FNDC3B: variants seen among roughly 807,000 people sequenced by gnomAD.
FNDC3B encodes the protein fibronectin type III domain containing 3B, also known as fibronectin type III domain-containing protein 3B.
FNDC3B carries 12 observed loss-of-function variants against 151.5 expected under a neutral mutation model. The observed-to-expected ratio is 0.08, with a 90% CI of 0.05 to 0.13. The LOEUF (loss-of-function observed/expected upper bound fraction) is 0.13. FNDC3B is among the 10% of genes least tolerant of loss of function. The pLI, the probability that FNDC3B is intolerant of heterozygous loss-of-function variation, is 1.00. For missense variants in FNDC3B, 1,214 were observed against 1,505.3 expected (o/e 0.81, Z 3.20); for synonymous variants, 528 against 549.0 (o/e 0.96, Z 0.54).
chr3:172,313,541 G>A (rs984687677), intron 11 of FNDC3B, among the ~76,000 whole-genome samples: 1 of 152,214 alleles, frequency 6.6e-6, no homozygotes, highest in African/African-American at 2.4e-5. Flanking sequence ...TATGGAGTGT[G>A]CTCCTCAGTA....
intron 3 of FNDC3B, among the ~76,000 whole-genome samples, chr3:172,152,511 CCT>C (rs1722278216): frequency 6.6e-6 from 1 of 151,712 alleles, no homozygotes. Flanking sequence ...TCAACTACTC[CCT>C]GTCTTCACCT....
At chr3:172,054,876 T>C (rs928826963) in intron 1 of FNDC3B, among the ~76,000 whole-genome samples, 1 of 152,228 alleles carries the variant, frequency 6.6e-6, no homozygotes, top group Non-Finnish European at 1.5e-5. Flanking sequence ...ACCATAGCAC[T>C]CAACTACTTC....
At position 172,119,377 on chromosome 3, in the gene FNDC3B, G is replaced by T. The variant is rs1408591230; in HGVS notation, c.111+6787G>T. ...CAGTCTAGTTGAGGAGCAAAATGTG[G>T]CCTACCAAAAAAAAAAAAAAAGGCT... On this transcript the variant is annotated intron_variant, in intron 2 of 25. Transcript: ENST00000415807. Among the ~76,000 whole-genome samples the T allele has an allele frequency of 4.1e-5, 4 of 97,556 alleles. No individual in the cohort carries two copies. In the East Asian group the frequency reaches 1.3e-3, roughly 31 times the overall value. 64.0% of individuals were successfully genotyped at this position (97,556 alleles called of 152,430 possible).
chr3:172,163,862 A>T (rs1722892276), intron 3 of FNDC3B, among the ~76,000 whole-genome samples: 1 of 152,194 alleles, frequency 6.6e-6, no homozygotes, highest in African/African-American at 2.4e-5. Context: ...GAGTCTTTTT[A>T]AAAATGTTGT....
At chr3:172,041,457 T>TCTC (rs1278764104) in intron 1 of FNDC3B, among the ~76,000 whole-genome samples, 77 of 145,598 alleles carry the variant, frequency 5.3e-4, no homozygotes, top group Non-Finnish European at 9.7e-4. Context: ...TTCCTTCTCT[T>TCTC]CTCCTCCTCC....
chr3:172,072,411 G>A (rs537348805), intron 1 of FNDC3B, among the ~76,000 whole-genome samples: 1 of 151,780 alleles, frequency 6.6e-6, no homozygotes, highest in South Asian at 2.1e-4. Flanking sequence ...GGTTGTCAGT[G>A]AATGGTTGTG....
intron 17 of FNDC3B, among the ~76,000 whole-genome samples, chr3:172,342,443 A>T (rs182471256): frequency 6.6e-6 from 1 of 152,330 alleles, no homozygotes; most frequent in East Asian, 1.9e-4. Flanking sequence ...GTATAGCTCT[A>T]CCTGATTTTC....
In FNDC3B at chr3:172,295,409, CT is replaced by C; in HGVS notation, c.897del (p.Val300LeufsTer32). 1 of 1,614,146 alleles carries C rather than the reference CT, an allele frequency of 6.2e-7. No individual in the cohort carries two copies. The highest frequency in any genetic ancestry group is 8.5e-7 in the Non-Finnish European group (1 of 1,179,960). On this transcript the variant is annotated frameshift_variant, in exon 8 of 26. Coordinates refer to ENST00000415807, the MANE Select transcript of FNDC3B (RefSeq NM_022763.4). LOFTEE classifies it high-confidence loss of function. ...GCAGTTGTGTTGTCCTGGGCTCCCC[CT>C]GTTGGACTTTCCTGTGGACCCCACA... ...ARAVVLSWAPPVGLSCGPHSG... is the reference protein window; with the variant it reads ...ARAVVLSWAPXVGLSCGPHSG...
chr3:172,105,666 G>A (rs1719611011), intron 1 of FNDC3B, among the ~76,000 whole-genome samples: 2 of 149,484 alleles, frequency 1.3e-5, no homozygotes, highest in African/African-American at 2.5e-5. Flanking sequence ...TTGCCCACAC[G>A]GGCCTCGAAC....
intron 11 of FNDC3B, among the ~76,000 whole-genome samples, chr3:172,322,337 C>T (rs1012038307): frequency 1.2e-4 from 19 of 152,272 alleles, no homozygotes; most frequent in African/African-American, 4.6e-4. Flanking sequence ...TAGTGAGAAT[C>T]GAAAATCAGG....
At chr3:172,113,466 G>C (rs1260450745) in intron 2 of FNDC3B, among the ~76,000 whole-genome samples, 1 of 152,048 alleles carries the variant, frequency 6.6e-6, no homozygotes, top group Non-Finnish European at 1.5e-5. Flanking sequence ...GCATATACTT[G>C]GTTGGAGCTG....
intron 3 of FNDC3B, among the ~76,000 whole-genome samples, chr3:172,198,340 A>G (rs545405227): frequency 2.9e-4 from 44 of 152,332 alleles, no homozygotes; most frequent in African/African-American, 1.0e-3. Flanking sequence ...GAGCTGGAGA[A>G]TACTTGAATG....
intron 18 of FNDC3B, 50 bp from the exon 19 acceptor site, chr3:172,344,036 C>T (rs1733477710): frequency 6.5e-7 from 1 of 1,539,466 alleles, no homozygotes; most frequent in Admixed American, 1.9e-5. Flanking sequence ...GCACTTTGGT[C>T]AACTGGAAGC....
intron 25 of FNDC3B, among the ~76,000 whole-genome samples, chr3:172,382,550 T>A (rs1004500931): frequency 6.6e-6 from 1 of 152,264 alleles, no homozygotes; most frequent in Non-Finnish European, 1.5e-5. Flanking sequence ...CCCATGCCTA[T>A]GTTCCGAATG....
intron 2 of FNDC3B, among the ~76,000 whole-genome samples, chr3:172,116,221 G>A (rs913128427): frequency 1.3e-5 from 2 of 152,170 alleles, no homozygotes; most frequent in African/African-American, 4.8e-5. Flanking sequence ...GAAACAATGT[G>A]AACAGAAGCA....
rs537966690 is a variant in FNDC3B, at chr3:172,164,093, T to G, written c.187+30547T>G. On this transcript the variant is annotated intron_variant, in intron 3 of 25. Transcript: ENST00000415807. Reference sequence around the variant, plus strand: ...ACATTGGGCTACCTGAAAATCATATTTGGGCTAGTGAAAATTCATTGAGCT... The same window carrying G: ...ACATTGGGCTACCTGAAAATCATATGTGGGCTAGTGAAAATTCATTGAGCT... 6.6e-5 allele frequency among the ~76,000 whole-genome samples: 10 copies of G among 152,340 alleles called. No individual in the cohort carries two copies. In the South Asian group the frequency reaches 2.1e-3, roughly 32 times the overall value.
At chr3:172,250,466 A>C (rs1041506443) in intron 5 of FNDC3B, among the ~76,000 whole-genome samples, 2 of 152,222 alleles carry the variant, frequency 1.3e-5, no homozygotes, top group African/African-American at 4.8e-5. Flanking sequence ...TATGCCACAG[A>C]AAACTTTGAC....
chr3:172,247,699 C>T lies in FNDC3B; in HGVS notation c.431C>T (p.Pro144Leu). The change falls in exon 5 of 26, where the codon CCT (proline) becomes CTT (leucine). Residue 144 changes from proline (P) to leucine (L), a missense_variant. Transcript: ENST00000415807. ...IHNSHTAYYP[P>L]VTGPGDMPPQ... ...AACTCACACACGGCTTACTACCCAC[C>T]TGTTACCGGACCTGGAGATATGCCG... The T allele has an allele frequency of 6.2e-7, 1 of 1,614,114 alleles. No homozygotes were observed. Among genetic ancestry groups the T allele is most frequent in the Non-Finnish European group, 8.5e-7 (1 of 1,179,988 alleles).
chr3:172,211,438 C>T (rs1037393322), intron 3 of FNDC3B, among the ~76,000 whole-genome samples: 1 of 152,180 alleles, frequency 6.6e-6, no homozygotes, highest in Non-Finnish European at 1.5e-5. Flanking sequence ...TGATTTCCCA[C>T]ACCTTGGACA....
Sources: gnomAD v4.1 joint callset for allele counts (sites outside exome capture counted in the v4.1 genomes callset) on GRCh38, gnomAD v4.1.1 for gene constraint, MANE v1.5 for transcripts, NCBI Gene and HGNC (gene_info 2026-07-23, HGNC 2026-07-21) for gene names.